Variants in IGF2BP2 observed in about 807,000 individuals in gnomAD.
IGF2BP2 encodes insulin like growth factor 2 mRNA binding protein 2.
In IGF2BP2, 17 loss-of-function variants were observed where a neutral mutation model predicts 75.8. The observed-to-expected ratio is 0.22, with a 90% CI of 0.15 to 0.34. IGF2BP2 has a LOEUF of 0.34. IGF2BP2 is among the 10% of genes least tolerant of loss of function. The pLI, the probability that IGF2BP2 is intolerant of heterozygous loss-of-function variation, is 1.00. For missense variants in IGF2BP2, 516 were observed against 772.4 expected (o/e 0.67, Z 3.93); for synonymous variants, 288 against 295.6 (o/e 0.97, Z 0.26).
At chr3:185,822,773 A>G (rs1166767315) in intron 2 of IGF2BP2, among the ~76,000 whole-genome samples, 1 of 150,586 alleles carries the variant, frequency 6.6e-6, no homozygotes, top group Non-Finnish European at 1.5e-5. Context: ...TTTAGCTGAC[A>G]TAGTAAATAT....
chr3:185,744,806 C>CA (rs1578171380), intron 2 of IGF2BP2, among the ~76,000 whole-genome samples: 2 of 151,410 alleles, frequency 1.3e-5, no homozygotes, highest in Admixed American at 1.3e-4. Context: ...GAGACTCTTT[C>CA]AAAAAAAAGA....
intron 10 of IGF2BP2, among the ~76,000 whole-genome samples, chr3:185,666,776 G>T (rs923733864): frequency 6.6e-6 from 1 of 152,116 alleles, no homozygotes; most frequent in African/African-American, 2.4e-5. Context: ...AAAAAAATGT[G>T]TATTTTCATA....
At chr3:185,780,921 C>G (rs1325392966) in intron 2 of IGF2BP2, among the ~76,000 whole-genome samples, 1 of 152,160 alleles carries the variant, frequency 6.6e-6, no homozygotes, top group African/African-American at 2.4e-5. Context: ...TCCAAGTCCT[C>G]TATCATTTCA....
intron 2 of IGF2BP2, among the ~76,000 whole-genome samples, chr3:185,805,746 A>T (rs1376685470): frequency 6.6e-6 from 1 of 152,040 alleles, no homozygotes; most frequent in African/African-American, 2.4e-5. Context: ...TAACTCGGGA[A>T]GATTACAAAA....
At position 185,696,799 on chromosome 3, in the gene IGF2BP2, T is replaced by G. The variant is rs1722638912; in HGVS notation, c.289-136A>C. The G allele has an allele frequency of 4.1e-6, 3 of 730,512 alleles. No individual in the cohort carries two copies. The African/African-American group carries it at 5.3e-5, about 13-fold the overall frequency. 45.3% of individuals were successfully genotyped at this position (730,512 alleles called of 1,614,324 possible). On this transcript the variant is annotated intron_variant, in intron 3 of 15. Coordinates refer to ENST00000382199, the MANE Select transcript of IGF2BP2 (RefSeq NM_006548.6). The stretch of plus-strand genomic sequence containing the variant: ...GGAATAATCTAATTAAATTGATATC[T>G]CAGGTCTTCCATAAAAACAGTTAGA...
At chr3:185,805,880 C>T (rs562635835) in intron 2 of IGF2BP2, among the ~76,000 whole-genome samples, 1 of 151,544 alleles carries the variant, frequency 6.6e-6, no homozygotes, top group Non-Finnish European at 1.5e-5. Flanking sequence ...AACTGATTCT[C>T]CTGCCTCAGC....
Position 185,813,493 on chromosome 3 carries a change from G to A in IGF2BP2, c.239+9660C>T, listed in dbSNP as rs868634642. 1.8e-4 allele frequency among the ~76,000 whole-genome samples: 28 copies of A among 152,288 alleles called. No individual in the cohort carries two copies. In the South Asian group the frequency reaches 2.5e-3, roughly 14 times the overall value. Reference sequence around the variant, plus strand: ...CTCGAAAAGAAAGGGGTAAACAGTAGTACAGCTGGATCCAGGAGACAGGCC... The same window carrying A: ...CTCGAAAAGAAAGGGGTAAACAGTAATACAGCTGGATCCAGGAGACAGGCC... On this transcript the variant is annotated intron_variant, in intron 2 of 15. Transcript: ENST00000382199.
At chr3:185,761,002 C>CT (rs1172366704) in intron 2 of IGF2BP2, among the ~76,000 whole-genome samples, 1 of 144,814 alleles carries the variant, frequency 6.9e-6, no homozygotes, top group Admixed American at 6.9e-5. Context: ...TACTTAAATA[C>CT]TTTTTTTTGA....
intron 2 of IGF2BP2, among the ~76,000 whole-genome samples, chr3:185,789,622 A>G (rs1736362183): frequency 6.6e-6 from 1 of 150,508 alleles, no homozygotes; most frequent in Admixed American, 6.7e-5. Context: ...TGTCCTTAAA[A>G]CCCACCTCAT....
rs1010353357 is a variant in IGF2BP2, at chr3:185,647,480, C to T, written c.1594-342G>A. On this transcript the variant is annotated intron_variant, in intron 14 of 15. Transcript: ENST00000382199. The surrounding 1 kb of genome is among the most constrained non-coding windows in gnomAD (Gnocchi z 4.9). ...GGCTTTCCCATACCCCCCCACTCCC[C>T]ACCCCTACCCTGTAAGATCATTCCT... Among the ~76,000 whole-genome samples the T allele has an allele frequency of 6.6e-6, 1 of 152,124 alleles. No homozygotes were observed. The highest frequency in any genetic ancestry group is 1.5e-5 in the Non-Finnish European group (1 of 68,018).
intron 2 of IGF2BP2, among the ~76,000 whole-genome samples, chr3:185,807,448 T>C (rs1029276583): frequency 2.0e-5 from 3 of 152,234 alleles, no homozygotes; most frequent in African/African-American, 7.2e-5. Context: ...TCAGTAATTA[T>C]TACTACTGTT....
intron 2 of IGF2BP2, among the ~76,000 whole-genome samples, chr3:185,747,915 G>C (rs1228049320): frequency 6.6e-6 from 1 of 151,834 alleles, no homozygotes; most frequent in Non-Finnish European, 1.5e-5. Flanking sequence ...GAGTGCAGTG[G>C]TGCAATCTCG....
At chr3:185,747,668 G>C (rs1480781109) in intron 2 of IGF2BP2, among the ~76,000 whole-genome samples, 1 of 151,998 alleles carries the variant, frequency 6.6e-6, no homozygotes, top group Non-Finnish European at 1.5e-5. Flanking sequence ...GACAGAGCAA[G>C]AGTCCGTCTC....
In IGF2BP2 at chr3:185,739,187, TAAAAC is replaced by T. The variant is rs531246187; in HGVS notation, c.240-40845_240-40841del. ...GGAATAGGGATTACAACGGTGGACT[TAAAAC>T]AAAACGAAACGGCCATTGCAACTGT... On this transcript the variant is annotated intron_variant, in intron 2 of 15. Coordinates refer to ENST00000382199, the MANE Select transcript of IGF2BP2 (RefSeq NM_006548.6). Among the ~76,000 whole-genome samples, 8 of 152,242 alleles carry T rather than the reference TAAAAC, an allele frequency of 5.3e-5. No homozygotes were observed. The South Asian group carries it at 8.3e-4, about 16-fold the overall frequency.
intron 2 of IGF2BP2, among the ~76,000 whole-genome samples, chr3:185,705,687 A>C (rs1234314674): frequency 6.6e-6 from 1 of 152,232 alleles, no homozygotes; most frequent in Non-Finnish European, 1.5e-5. Flanking sequence ...TGGGAAGTCC[A>C]AGATCAAGGC....
chr3:185,668,508 G>GAT (rs755033940), intron 10 of IGF2BP2, among the ~76,000 whole-genome samples: 20,974 of 125,444 alleles, frequency 0.17, 1,732 homozygotes, highest in Middle Eastern at 0.31. Flanking sequence ...GAGAGAGAGA[G>GAT]ATATATATAT....
intron 13 of IGF2BP2, among the ~76,000 whole-genome samples, 197 bp from the exon 14 acceptor site, chr3:185,649,731 C>T (rs1245099495): frequency 6.6e-6 from 1 of 152,222 alleles, no homozygotes; most frequent in African/African-American, 2.4e-5. Context: ...CAGATGGCTG[C>T]ACTTTGAAAA....
At chr3:185,798,560 TGA>T (rs1578342180) in intron 2 of IGF2BP2, among the ~76,000 whole-genome samples, 1 of 152,176 alleles carries the variant, frequency 6.6e-6, no homozygotes, top group African/African-American at 2.4e-5. Flanking sequence ...ATTGTATTGT[TGA>T]TTTTATGACA....
In IGF2BP2 at chr3:185,733,759, T is replaced by G. The variant is rs146078609; in HGVS notation, c.240-35412A>C. On this transcript the variant is annotated intron_variant, in intron 2 of 15. Transcript: ENST00000382199. ...CAACAAGAGCGAAACTCCGCCTCAA[T>G]AATAATAATAATAATAAATAAATAA... Among the ~76,000 whole-genome samples the G allele has an allele frequency of 2.1e-4, 32 of 151,518 alleles. 1 individual carries two copies. Among genetic ancestry groups the G allele is most frequent in the African/African-American group, 7.7e-4 (32 of 41,392 alleles).
Sources: gnomAD v4.1 joint callset for allele counts (sites outside exome capture counted in the v4.1 genomes callset) on GRCh38, gnomAD v4.1.1 for gene constraint, Gnocchi (gnomAD v3.1) non-coding constraint, MANE v1.5 for transcripts, NCBI Gene and HGNC (gene_info 2026-07-23, HGNC 2026-07-21) for gene names.